The following EPHA6 variants were observed in gnomAD, a reference collection of about 807,000 sequenced individuals.
The protein encoded by EPHA6 is ephrin type-A receptor 6.
EPHA6 carries 50 observed loss-of-function variants against 112.0 expected under a neutral mutation model. That is an observed-to-expected ratio of 0.45 (90% confidence interval 0.36 to 0.56). The LOEUF (loss-of-function observed/expected upper bound fraction) is 0.56, where lower values mean the gene tolerates loss of function less well. Ranked by LOEUF, EPHA6 falls within the 20% of genes least tolerant of loss-of-function variation. EPHA6 has a pLI of 0.00. For synonymous variants in EPHA6, 529 were observed against 490.7 expected, an observed-to-expected ratio of 1.08 and a Z score of -1.03; for missense variants, 1,280 against 1,417.4, an observed-to-expected ratio of 0.90 and a Z score of 1.56.
intron 14 of EPHA6, among the ~76,000 whole-genome samples, chr3:97,660,846 AT>A (rs1334353508): frequency 6.6e-6 from 1 of 152,188 alleles, no homozygotes; most frequent in Non-Finnish European, 1.5e-5. Flanking sequence ...TACAAAAAAA[AT>A]GACATCCTAA....
At chr3:97,214,038 T>TGTGTGTGA (rs1491420279) in intron 3 of EPHA6, among the ~76,000 whole-genome samples, 2,126 of 77,698 alleles carry the variant, frequency 0.027, 75 homozygotes, top group African/African-American at 0.07. Flanking sequence ...TGTGTGTGTG[T>TGTGTGTGA]GAGAGAGAGA....
At chr3:97,087,920 A>G (rs964684138) in intron 3 of EPHA6, among the ~76,000 whole-genome samples, 1 of 152,184 alleles carries the variant, frequency 6.6e-6, no homozygotes, top group African/African-American at 2.4e-5. Context: ...ACAGTGGCTC[A>G]CGCCTGTAAT....
rs1411527807 is a variant in EPHA6, at chr3:97,754,950, G to A, written c.*6249G>A. Among the ~76,000 whole-genome samples the A allele has an allele frequency of 2.6e-5, 4 of 152,134 alleles. No individual in the cohort carries two copies. Among genetic ancestry groups the A allele is most frequent in the South Asian group, 2.1e-4 (1 of 4,832 alleles). ...GATCTCCTGACCTGGTGATCCAACC[G>A]CCTCGGCCTCCCAAAGTGGTGGGAT... On this transcript the variant is annotated 3_prime_UTR_variant, in exon 18 of 18. Coordinates refer to ENST00000389672, the MANE Select transcript of EPHA6 (RefSeq NM_001080448.3).
chr3:97,246,893 A>G (rs1393768516), intron 5 of EPHA6, among the ~76,000 whole-genome samples: 5 of 152,100 alleles, frequency 3.3e-5, no homozygotes, highest in African/African-American at 9.6e-5. Context: ...GAACTATTCA[A>G]TCTGTGGATG....
At chr3:97,641,228 T>C (rs962047600) in intron 14 of EPHA6, among the ~76,000 whole-genome samples, 2 of 152,198 alleles carry the variant, frequency 1.3e-5, no homozygotes, top group African/African-American at 2.4e-5. Context: ...TAATGCCAAA[T>C]GATCATTGGC....
intron 2 of EPHA6, among the ~76,000 whole-genome samples, chr3:96,980,526 G>T (rs2042723463): frequency 6.6e-6 from 1 of 152,208 alleles, no homozygotes; most frequent in African/African-American, 2.4e-5. Context: ...GATTGTCTTG[G>T]CAATGCGGGC....
intron 1 of EPHA6, among the ~76,000 whole-genome samples, chr3:96,831,500 A>C (rs950069222): frequency 4.0e-5 from 6 of 151,754 alleles, no homozygotes; most frequent in African/African-American, 1.5e-4. Context: ...TCTATGAGAC[A>C]GTGTTTGTGA....
At chr3:97,193,902 G>A (rs2077372118) in intron 3 of EPHA6, among the ~76,000 whole-genome samples, 1 of 151,936 alleles carries the variant, frequency 6.6e-6, no homozygotes, top group Admixed American at 6.6e-5. Flanking sequence ...AAATGATCAC[G>A]TTTTTTGTCT....
At chr3:97,653,433 G>A (rs1360998735) in intron 14 of EPHA6, among the ~76,000 whole-genome samples, 4 of 151,920 alleles carry the variant, frequency 2.6e-5, no homozygotes, top group Non-Finnish European at 5.9e-5. Context: ...TCATGGAAAT[G>A]CAAATAAAAA....
At chr3:97,477,296 TAAAC>T (rs72069318) in intron 8 of EPHA6, among the ~76,000 whole-genome samples, 2,349 of 152,180 alleles carry the variant, frequency 0.015, 50 homozygotes, top group African/African-American at 0.052. Flanking sequence ...TTATAAAAAA[TAAAC>T]AAAACCCCTA....
intron 2 of EPHA6, among the ~76,000 whole-genome samples, chr3:96,888,242 G>A (rs1038790271): frequency 2.6e-5 from 4 of 152,108 alleles, no homozygotes; most frequent in South Asian, 2.1e-4. Context: ...GCGACCCAGC[G>A]AGCTCACAGG....
intron 10 of EPHA6, among the ~76,000 whole-genome samples, chr3:97,524,711 C>T (rs2092594176): frequency 6.6e-6 from 1 of 152,042 alleles, no homozygotes; most frequent in Non-Finnish European, 1.5e-5. Context: ...ATGTCTTGAT[C>T]TCATTTTTCA....
intron 3 of EPHA6, among the ~76,000 whole-genome samples, chr3:97,166,739 GT>G (rs1168377923): frequency 2.0e-5 from 3 of 152,084 alleles, no homozygotes; most frequent in Admixed American, 6.6e-5. Flanking sequence ...TCATAACAAT[GT>G]TTTGTTTCTT....
At chr3:97,033,014 G>T (rs1335782495) in intron 3 of EPHA6, among the ~76,000 whole-genome samples, 2 of 151,398 alleles carry the variant, frequency 1.3e-5, no homozygotes, top group Non-Finnish European at 2.9e-5. Flanking sequence ...CACATTAACT[G>T]AGTGCTGGAC....
intron 3 of EPHA6, among the ~76,000 whole-genome samples, chr3:97,078,309 G>A (rs144220656): frequency 1.3e-5 from 2 of 151,854 alleles, no homozygotes; most frequent in African/African-American, 2.4e-5. Flanking sequence ...TTTTCAGATG[G>A]GTAGATTGCA....
At chr3:97,271,277 A>T (rs953027127) in intron 5 of EPHA6, among the ~76,000 whole-genome samples, 2 of 152,206 alleles carry the variant, frequency 1.3e-5, no homozygotes, top group Non-Finnish European at 2.9e-5. Context: ...TACTCACTAA[A>T]TCCATGAGTT....
intron 5 of EPHA6, among the ~76,000 whole-genome samples, chr3:97,344,063 A>G (rs1209024621): frequency 6.6e-6 from 1 of 152,114 alleles, no homozygotes; most frequent in Non-Finnish European, 1.5e-5. Flanking sequence ...GGAAGCACAT[A>G]ACTTGTTTTG....
intron 3 of EPHA6, among the ~76,000 whole-genome samples, chr3:97,181,184 T>C (rs2108451248): frequency 6.6e-6 from 1 of 152,252 alleles, no homozygotes; most frequent in South Asian, 2.1e-4. Context: ...AGAATTGCTA[T>C]GTCCTTTCTC....
intron 3 of EPHA6, among the ~76,000 whole-genome samples, chr3:97,100,533 A>G (rs373308177): frequency 6.6e-6 from 1 of 151,898 alleles, no homozygotes. Flanking sequence ...CACATCATGT[A>G]GCTCTTTAGT....
Sources: gnomAD v4.1 joint callset for allele counts (sites outside exome capture counted in the v4.1 genomes callset) on GRCh38, gnomAD v4.1.1 for gene constraint, MANE v1.5 for transcripts, NCBI Gene and HGNC (gene_info 2026-07-23, HGNC 2026-07-21) for gene names.